NLGN1: variants seen among roughly 807,000 people sequenced by gnomAD.
The protein encoded by NLGN1 is neuroligin 1.
NLGN1 carries 12 observed loss-of-function variants against 65.5 expected under a neutral mutation model. The ratio of observed to expected loss-of-function variants is 0.18; its 90% confidence interval spans 0.12 to 0.30. The LOEUF is 0.30. NLGN1 is among the 10% of genes least tolerant of loss of function. The pLI, the probability that NLGN1 is intolerant of heterozygous loss-of-function variation, is 1.00. For synonymous variants in NLGN1, 350 were observed against 359.5 expected (o/e 0.97, Z 0.30); for missense variants, 750 against 1,007.1 (o/e 0.74, Z 3.46).
chr3:173,753,940 T>TAAG (rs1265899916), intron 3 of NLGN1, among the ~76,000 whole-genome samples: 2 of 127,222 alleles, frequency 1.6e-5, no homozygotes, highest in Non-Finnish European at 3.2e-5. Context: ...TAATATAATA[T>TAAG]AATAATAATA....
exon 7 of NLGN1, chr3:174,286,215 A>G (rs986491708): frequency 6.6e-6 from 1 of 151,500 alleles, no homozygotes; most frequent in Non-Finnish European, 1.5e-5. Context: ...TTTCAGACCC[A>G]TATACTTACA....
chr3:173,450,124 T>G (rs1364333436), intron 2 of NLGN1, among the ~76,000 whole-genome samples: 1 of 152,250 alleles, frequency 6.6e-6, no homozygotes, highest in Non-Finnish European at 1.5e-5. Flanking sequence ...GCTGGTTATT[T>G]TGCTCGTTAG....
chr3:173,885,791 A>G lies in NLGN1; in HGVS notation c.646+77959A>G, dbSNP rs113705555. Reference sequence around the variant, plus strand: ...GGGAAGAAAGATATAAAAAATTGAGACATCATTTTCAGCAAATATGAAAAA... The same window carrying G: ...GGGAAGAAAGATATAAAAAATTGAGGCATCATTTTCAGCAAATATGAAAAA... On this transcript the variant is annotated intron_variant, in intron 4 of 6. Coordinates refer to ENST00000457714, the Ensembl canonical transcript of NLGN1. Among the ~76,000 whole-genome samples, 339 of 152,230 alleles carry G rather than the reference A, an allele frequency of 2.2e-3. 2 individuals are homozygous for G. Among genetic ancestry groups the G allele is most frequent in the African/African-American group, 7.7e-3 (321 of 41,580 alleles).
intron 5 of NLGN1, 75 bp from the exon 6 acceptor site, chr3:174,278,785 TA>T (rs1445129092): frequency 2.5e-6 from 3 of 1,194,010 alleles, no homozygotes; most frequent in African/African-American, 3.1e-5. Flanking sequence ...TATACATGTC[TA>T]AAATATCAGA....
At chr3:173,427,753 T>A (rs1287547780) in intron 1 of NLGN1, among the ~76,000 whole-genome samples, 1 of 151,858 alleles carries the variant, frequency 6.6e-6, no homozygotes, top group Non-Finnish European at 1.5e-5. Context: ...CCTGGAGAAG[T>A]TCAATAGGCT....
In NLGN1 at chr3:173,844,322, G is replaced by A. The variant is rs1036166980; in HGVS notation, c.646+36490G>A. 3.0e-4 allele frequency among the ~76,000 whole-genome samples: 46 copies of A among 152,162 alleles called. 1 individual carries two copies. The highest frequency in any genetic ancestry group is 3.0e-3 in the Admixed American group (46 of 15,272). ...TTGGTAGTAGAGTAAGACAGAGGGG[G>A]TGTTTCGAGGAGAAACAGAGTTGAG... On this transcript the variant is annotated intron_variant, in intron 4 of 6. Transcript: ENST00000457714.
intron 4 of NLGN1, among the ~76,000 whole-genome samples, chr3:174,016,899 T>C (rs907904646): frequency 2.6e-5 from 4 of 151,892 alleles, no homozygotes; most frequent in African/African-American, 4.8e-5. Context: ...GCCAGAAACA[T>C]TGGATTGGGT....
At chr3:173,494,717 G>A (rs1285232537) in intron 2 of NLGN1, among the ~76,000 whole-genome samples, 1 of 151,914 alleles carries the variant, frequency 6.6e-6, no homozygotes, top group Non-Finnish European at 1.5e-5. Flanking sequence ...ATTTGAGGTA[G>A]TGGCTGAGAG....
chr3:173,806,833 T>G (rs1184103319), intron 3 of NLGN1, among the ~76,000 whole-genome samples: 1 of 152,140 alleles, frequency 6.6e-6, no homozygotes, highest in Non-Finnish European at 1.5e-5. Context: ...GCTGTAGAAA[T>G]CACTTGAACC....
At chr3:173,928,028 C>G (rs1018417335) in intron 4 of NLGN1, among the ~76,000 whole-genome samples, 1 of 152,142 alleles carries the variant, frequency 6.6e-6, no homozygotes, top group African/African-American at 2.4e-5. Context: ...CACACATTTT[C>G]TGAAATACAA....
intron 3 of NLGN1, among the ~76,000 whole-genome samples, chr3:173,734,512 T>G (rs1318614447): frequency 6.7e-6 from 1 of 148,714 alleles, no homozygotes; most frequent in African/African-American, 2.5e-5. Context: ...TTCTCCTGCC[T>G]CAGTCTCTCA....
At chr3:173,687,630 A>C (rs1229460050) in intron 3 of NLGN1, among the ~76,000 whole-genome samples, 1 of 152,222 alleles carries the variant, frequency 6.6e-6, no homozygotes, top group African/African-American at 2.4e-5. Flanking sequence ...GAGAAAAATA[A>C]AATGTTTAAA....
intron 4 of NLGN1, among the ~76,000 whole-genome samples, chr3:174,055,642 A>G (rs948953996): frequency 1.3e-5 from 2 of 152,066 alleles, no homozygotes; most frequent in South Asian, 2.1e-4. Flanking sequence ...TGAATGCCAT[A>G]TACCATGTTT....
intron 2 of NLGN1, among the ~76,000 whole-genome samples, chr3:173,579,264 G>A (rs535156476): frequency 5.9e-5 from 9 of 152,284 alleles, no homozygotes; most frequent in Admixed American, 2.6e-4. Flanking sequence ...GCTTGGGCTC[G>A]GAAGTTCAAG....
intron 4 of NLGN1, among the ~76,000 whole-genome samples, chr3:173,977,657 A>T (rs1717812593): frequency 6.6e-6 from 1 of 152,036 alleles, no homozygotes; most frequent in South Asian, 2.1e-4. Context: ...AGAAAAAAAA[A>T]TGGACAAAGC....
At chr3:174,091,530 T>C (rs1175267495) in intron 4 of NLGN1, among the ~76,000 whole-genome samples, 1 of 152,206 alleles carries the variant, frequency 6.6e-6, no homozygotes, top group Non-Finnish European at 1.5e-5. Context: ...AGAACTATTG[T>C]TTGTTCATTC....
intron 2 of NLGN1, among the ~76,000 whole-genome samples, chr3:173,529,551 G>T (rs766402255): frequency 6.6e-6 from 1 of 152,156 alleles, no homozygotes; most frequent in Admixed American, 6.5e-5. Context: ...CCCTAGATCG[G>T]CAAGAACTTG....
chr3:173,928,209 C>G (rs188397108), intron 4 of NLGN1, among the ~76,000 whole-genome samples: 9 of 152,142 alleles, frequency 5.9e-5, no homozygotes, highest in African/African-American at 2.2e-4. Flanking sequence ...AACCCAGACT[C>G]GGAAAATTAA....
intron 3 of NLGN1, among the ~76,000 whole-genome samples, chr3:173,707,979 T>C (rs1200594515): frequency 1.3e-5 from 2 of 152,228 alleles, no homozygotes; most frequent in Non-Finnish European, 2.9e-5. Context: ...CTATCATAAA[T>C]GTATCACCAC....
Sources: gnomAD v4.1 joint callset for allele counts (sites outside exome capture counted in the v4.1 genomes callset) on GRCh38, gnomAD v4.1.1 for gene constraint, MANE v1.5 for transcripts, NCBI Gene and HGNC (gene_info 2026-07-23, HGNC 2026-07-21) for gene names.